The following PHACTR1 variants were observed in gnomAD, a reference collection of about 807,000 sequenced individuals.
PHACTR1 encodes the protein phosphatase and actin regulator 1.
In PHACTR1, 16 loss-of-function variants were observed where a neutral mutation model predicts 69.2. The observed-to-expected ratio is 0.23, with a 90% CI of 0.16 to 0.35. The LOEUF (loss-of-function observed/expected upper bound fraction) is 0.35, where lower values mean the gene tolerates loss of function less well. Ranked by LOEUF, PHACTR1 falls within the 10% of genes least tolerant of loss-of-function variation. The pLI, the probability that PHACTR1 is intolerant of heterozygous loss-of-function variation, is 1.00. For missense variants in PHACTR1, 510 were observed against 734.7 expected, an observed-to-expected ratio of 0.69 and a Z score of 3.54; for synonymous variants, 312 against 284.5, an observed-to-expected ratio of 1.10 and a Z score of -0.97.
At chr6:12,960,368 A>T (rs1582708424) in intron 4 of PHACTR1, among the ~76,000 whole-genome samples, 1 of 152,222 alleles carries the variant, frequency 6.6e-6, no homozygotes, top group African/African-American at 2.4e-5. Flanking sequence ...TGAGTAAAGA[A>T]TATGTGTGAA....
chr6:13,014,874 C>G (rs903724751), intron 4 of PHACTR1, among the ~76,000 whole-genome samples: 3 of 152,222 alleles, frequency 2.0e-5, no homozygotes, highest in Non-Finnish European at 2.9e-5. Flanking sequence ...AGCGAGGGAC[C>G]GCCGGCGCGG....
At chr6:13,163,572 A>G (rs1372447556) in intron 6 of PHACTR1, among the ~76,000 whole-genome samples, 4 of 152,204 alleles carry the variant, frequency 2.6e-5, no homozygotes, top group Non-Finnish European at 5.9e-5. Flanking sequence ...ACTTCGTTGC[A>G]CATAGTAGTG....
intron 4 of PHACTR1, among the ~76,000 whole-genome samples, chr6:12,758,466 T>TAAAA (rs11361990): frequency 1.0e-5 from 1 of 95,792 alleles, no homozygotes; most frequent in African/African-American, 4.2e-5. Flanking sequence ...ACTCTCTTTC[T>TAAAA]AAAAAAAAAA....
chr6:13,148,090 T>C (rs1247402379), intron 5 of PHACTR1, among the ~76,000 whole-genome samples: 1 of 151,614 alleles, frequency 6.6e-6, no homozygotes, highest in African/African-American at 2.4e-5. Flanking sequence ...TTTTGAACTT[T>C]ATATAAATGG....
chr6:13,113,615 G>C (rs1344822868), intron 5 of PHACTR1, among the ~76,000 whole-genome samples: 1 of 152,042 alleles, frequency 6.6e-6, no homozygotes, highest in Non-Finnish European at 1.5e-5. Flanking sequence ...CTTAATAAAG[G>C]GTCCTGATAA....
At chr6:13,051,706 G>A (rs1172091718) in intron 4 of PHACTR1, among the ~76,000 whole-genome samples, 1 of 152,194 alleles carries the variant, frequency 6.6e-6, no homozygotes, top group Non-Finnish European at 1.5e-5. Context: ...ATGCTGTGAA[G>A]CAGAATTAGT....
chr6:13,067,910 G>A (rs1808901827), intron 5 of PHACTR1, among the ~76,000 whole-genome samples: 1 of 152,094 alleles, frequency 6.6e-6, no homozygotes, highest in African/African-American at 2.4e-5. Flanking sequence ...TGGGAGAGGT[G>A]GTATAGACTA....
At chr6:12,823,793 T>C (rs1413684700) in intron 4 of PHACTR1, among the ~76,000 whole-genome samples, 1 of 152,234 alleles carries the variant, frequency 6.6e-6, no homozygotes, top group African/African-American at 2.4e-5. Context: ...TTAGTGTTAA[T>C]TCATCATATT....
chr6:12,730,492 C>A (rs1405202354), intron 3 of PHACTR1, among the ~76,000 whole-genome samples: 1 of 146,832 alleles, frequency 6.8e-6, no homozygotes, highest in Non-Finnish European at 1.5e-5. Context: ...AAAAAAAAAA[C>A]CTCAATGCAG....
At chr6:13,267,979 A>G (rs202072) in intron 10 of PHACTR1, 111,604 of 151,864 alleles carry the variant, frequency 0.73, 42,943 homozygotes, top group Non-Finnish European at 0.86. Flanking sequence ...CAAAAAAAGT[A>G]TAACCAGCTG....
chr6:13,209,805 A>G (rs1208899861), intron 8 of PHACTR1, among the ~76,000 whole-genome samples: 2 of 152,134 alleles, frequency 1.3e-5, no homozygotes, highest in Admixed American at 1.3e-4. Context: ...CCTCTCTATT[A>G]AAAGTTTTAC....
chr6:13,085,022 A>G (rs1285368275), intron 5 of PHACTR1, among the ~76,000 whole-genome samples: 3 of 152,146 alleles, frequency 2.0e-5, no homozygotes, highest in Non-Finnish European at 4.4e-5. Context: ...CGCAATTACA[A>G]TACATGTAAG....
chr6:13,172,047 G>T (rs911183318), intron 6 of PHACTR1, among the ~76,000 whole-genome samples: 5 of 152,128 alleles, frequency 3.3e-5, no homozygotes, highest in African/African-American at 9.7e-5. Context: ...GATTACAGGT[G>T]TGAGCCACCA....
intron 8 of PHACTR1, among the ~76,000 whole-genome samples, chr6:13,208,946 C>T (rs980790360): frequency 6.6e-6 from 1 of 152,004 alleles, no homozygotes; most frequent in African/African-American, 2.4e-5. Flanking sequence ...GCGCTTTGTC[C>T]CAACTCAGAG....
At chr6:12,997,299 A>C (rs1229858499) in intron 4 of PHACTR1, among the ~76,000 whole-genome samples, 1 of 147,858 alleles carries the variant, frequency 6.8e-6, no homozygotes, top group African/African-American at 2.5e-5. Flanking sequence ...AAGTGAATGT[A>C]TATTATATAT....
At chr6:13,123,942 C>T (rs934380480) in intron 5 of PHACTR1, among the ~76,000 whole-genome samples, 5 of 152,078 alleles carry the variant, frequency 3.3e-5, no homozygotes, top group Non-Finnish European at 4.4e-5. Context: ...GAACCCTGCA[C>T]CCGAAGTCAG....
chr6:12,852,951 A>G (rs1308899373), intron 4 of PHACTR1, among the ~76,000 whole-genome samples: 1 of 152,108 alleles, frequency 6.6e-6, no homozygotes, highest in Non-Finnish European at 1.5e-5. Context: ...TTCCTTTATC[A>G]GCACTGGGTA....
At chr6:12,924,992 C>A (rs1013913515) in intron 4 of PHACTR1, among the ~76,000 whole-genome samples, 1 of 152,112 alleles carries the variant, frequency 6.6e-6, no homozygotes, top group Admixed American at 6.5e-5. Flanking sequence ...CTGTGAGAAG[C>A]TCATTATGCC....
intron 3 of PHACTR1, among the ~76,000 whole-genome samples, chr6:12,722,415 T>C (rs553396219): frequency 6.6e-6 from 1 of 152,346 alleles, no homozygotes; most frequent in Admixed American, 6.5e-5. Context: ...TGCAAAATCT[T>C]TATCCAAAGC....
Sources: allele counts gnomAD v4.1 joint callset (sites outside exome capture counted in the v4.1 genomes callset), GRCh38; gene constraint gnomAD v4.1.1; transcripts MANE v1.5; gene names NCBI Gene and HGNC (gene_info 2026-07-23, HGNC 2026-07-21).